The following LRP12 variants were observed in gnomAD, a reference collection of about 807,000 sequenced individuals.
LRP12 encodes low-density lipoprotein receptor-related protein 12.
LRP12 carries 14 observed loss-of-function variants against 66.0 expected under a neutral mutation model. That is an observed-to-expected ratio of 0.21 (90% CI 0.14 to 0.33). LRP12 has a LOEUF of 0.33. Ranked by LOEUF, LRP12 falls within the 10% of genes least tolerant of loss-of-function variation. LRP12 has a pLI of 1.00. For synonymous variants in LRP12, 357 were observed against 359.1 expected (o/e 0.99, Z 0.07); for missense variants, 889 against 1,053.4 (o/e 0.84, Z 2.16).
At chr8:104,567,991 A>C (rs1350702458) in intron 1 of LRP12, among the ~76,000 whole-genome samples, 1 of 152,224 alleles carries the variant, frequency 6.6e-6, no homozygotes, top group African/African-American at 2.4e-5. Flanking sequence ...AAATGAAAAC[A>C]AATTGGAATA....
intron 1 of LRP12, among the ~76,000 whole-genome samples, chr8:104,549,848 C>T (rs1296482596): frequency 6.6e-6 from 1 of 152,154 alleles, no homozygotes; most frequent in African/African-American, 2.4e-5. Flanking sequence ...CCCTTGAAAA[C>T]TCTATCAGCC....
At chr8:104,493,998 C>T (rs189819680) in intron 6 of LRP12, among the ~76,000 whole-genome samples, 200 of 152,148 alleles carry the variant, frequency 1.3e-3, no homozygotes, top group Middle Eastern at 6.8e-3. Context: ...AATTATCAAA[C>T]CTGAAGGGGA....
At chr8:104,543,348 G>T (rs73295149) in intron 1 of LRP12, among the ~76,000 whole-genome samples, 4 of 151,852 alleles carry the variant, frequency 2.6e-5, no homozygotes, top group Non-Finnish European at 5.9e-5. Flanking sequence ...CATTACTATT[G>T]TATTTGTCAT....
At chr8:104,582,382 A>C (rs1812266711) in intron 1 of LRP12, among the ~76,000 whole-genome samples, 1 of 148,848 alleles carries the variant, frequency 6.7e-6, no homozygotes, top group South Asian at 2.1e-4. Context: ...CTACACAATA[A>C]AAAAAAAAGA....
intron 1 of LRP12, among the ~76,000 whole-genome samples, chr8:104,562,635 G>T (rs1196021339): frequency 6.6e-6 from 1 of 151,952 alleles, no homozygotes; most frequent in Non-Finnish European, 1.5e-5. Context: ...TTAACACGTG[G>T]TATTTGTATT....
intron 1 of LRP12, among the ~76,000 whole-genome samples, chr8:104,568,625 T>C (rs184653600): frequency 1.3e-5 from 2 of 152,212 alleles, no homozygotes; most frequent in African/African-American, 2.4e-5. Flanking sequence ...AAGATTTGAA[T>C]AGACATTTCT....
At chr8:104,550,273 C>G (rs966039267) in intron 1 of LRP12, among the ~76,000 whole-genome samples, 4 of 152,116 alleles carry the variant, frequency 2.6e-5, no homozygotes, top group African/African-American at 9.7e-5. Flanking sequence ...AGTATTTAAG[C>G]AAATTTGTCT....
In LRP12 at chr8:104,588,942, G is replaced by A. The variant is rs578109468; in HGVS notation, c.-45C>T. On this transcript the variant is annotated 5_prime_UTR_variant, in exon 1 of 7. Coordinates refer to ENST00000276654, the MANE Select transcript of LRP12 (RefSeq NM_013437.5). ...AGAGAGGAGGAGACGGAGGAGGAGG[G>A]AGGAGAAGCTGGAGGTAGACGACGC... 5.5e-6 allele frequency: 8 copies of A among 1,465,100 alleles called. No individual in the cohort carries two copies. The highest frequency in any genetic ancestry group is 3.7e-5 in the South Asian group (3 of 80,730). 90.8% of individuals were successfully genotyped at this position (1,465,100 alleles called of 1,614,324 possible).
At position 104,491,174 on chromosome 8, in the gene LRP12, T is replaced by C. The variant is rs778379822; in HGVS notation, c.2079A>G (p.Ala693=). The change falls in exon 7 of 7, where the codon GCA becomes GCG. Residue 693 remains alanine, a synonymous_variant. Coordinates refer to ENST00000276654, the MANE Select transcript of LRP12 (RefSeq NM_013437.5). ...TAVEATVGAC[A]SSSTQSTRGG... Reference sequence around the variant, plus strand: ...CTCGGGTACTCTGAGTTGAGGAACTTGCACATGCTCCTACTGTCGCTTCTA... The same window carrying C: ...CTCGGGTACTCTGAGTTGAGGAACTCGCACATGCTCCTACTGTCGCTTCTA... 1.2e-6 allele frequency: 2 copies of C among 1,614,024 alleles called. No individual in the cohort carries two copies. Among genetic ancestry groups the C allele is most frequent in the African/African-American group, 2.7e-5 (2 of 74,908 alleles).
intron 1 of LRP12, among the ~76,000 whole-genome samples, chr8:104,588,181 A>C (rs1333186107): frequency 6.6e-6 from 1 of 152,176 alleles, no homozygotes; most frequent in East Asian, 1.9e-4. Context: ...ACACCCTAAC[A>C]GGAGAGACTG....
At chr8:104,562,681 T>C (rs1350422957) in intron 1 of LRP12, among the ~76,000 whole-genome samples, 1 of 152,188 alleles carries the variant, frequency 6.6e-6, no homozygotes, top group African/African-American at 2.4e-5. Context: ...TTTGTTCTAA[T>C]TTTATTAGCC....
chr8:104,559,629 TA>T (rs141326459), intron 1 of LRP12, among the ~76,000 whole-genome samples: 8 of 150,744 alleles, frequency 5.3e-5, no homozygotes, highest in South Asian at 4.2e-4. Context: ...CTTTTTTAAT[TA>T]AAAAAAAATA....
At chr8:104,581,896 G>C (rs553314901) in intron 1 of LRP12, among the ~76,000 whole-genome samples, 234 of 152,190 alleles carry the variant, frequency 1.5e-3, no homozygotes, top group Non-Finnish European at 1.7e-3. Flanking sequence ...TTTTGTATAG[G>C]TGTTCTGTAT....
At chr8:104,549,208 T>A (rs540826077) in intron 1 of LRP12, among the ~76,000 whole-genome samples, 2 of 152,192 alleles carry the variant, frequency 1.3e-5, no homozygotes, top group African/African-American at 4.8e-5. Context: ...TTTTCCTATT[T>A]TGGTCTTTCT....
At position 104,490,694 on chromosome 8, in the gene LRP12, A is replaced by G. The variant is rs963246029; in HGVS notation, c.2559T>C (p.Asp853=). 18 of 1,612,738 alleles carry G rather than the reference A, an allele frequency of 1.1e-5. No homozygotes were observed. Among genetic ancestry groups the G allele is most frequent in the Admixed American group, 1.7e-5 (1 of 59,846 alleles). ...GTACCTAACAAAGTAACAAAGCCTC[A>G]TCATCACTCGTTTCGTTTTTCAGTG... ...EVTLKNETSD[D]EALLLC Residue 853 remains aspartate (D), a synonymous_variant, in exon 7 of 7, where the codon GAT becomes GAC. Coordinates refer to ENST00000276654, the MANE Select transcript of LRP12 (RefSeq NM_013437.5).
intron 1 of LRP12, among the ~76,000 whole-genome samples, chr8:104,547,557 TTA>T (rs1374155698): frequency 2.4e-5 from 3 of 126,948 alleles, no homozygotes; most frequent in Admixed American, 8.9e-5. Context: ...TAATTACATA[TTA>T]TATATTAATA....
intron 2 of LRP12, among the ~76,000 whole-genome samples, chr8:104,531,641 G>C (rs1811325972): frequency 6.6e-6 from 1 of 151,992 alleles, no homozygotes; most frequent in Non-Finnish European, 1.5e-5. Context: ...TTCAACTTGA[G>C]CTAACTTTTC....
chr8:104,566,048 C>CA (rs1184407343), intron 1 of LRP12: 22 of 199,470 alleles, frequency 1.1e-4, no homozygotes, highest in Middle Eastern at 1.6e-3. Flanking sequence ...TTAAAGACTT[C>CA]AAAAAAAATG....
intron 2 of LRP12, among the ~76,000 whole-genome samples, chr8:104,515,942 TG>T (rs1811066842): frequency 6.6e-6 from 1 of 152,192 alleles, no homozygotes; most frequent in Admixed American, 6.5e-5. Context: ...TTTATAAAGA[TG>T]GGGTCTCCCT....
Sources: allele counts gnomAD v4.1 joint callset (sites outside exome capture counted in the v4.1 genomes callset), GRCh38; gene constraint gnomAD v4.1.1; transcripts MANE v1.5; gene names NCBI Gene and HGNC (gene_info 2026-07-23, HGNC 2026-07-21).